Variants in DPY19L4 observed in about 807,000 individuals in gnomAD.
DPY19L4 encodes dpy-19 like 4, also known as probable C-mannosyltransferase DPY19L4.
DPY19L4 carries 97 observed loss-of-function variants against 102.8 expected under a neutral mutation model. The ratio of observed to expected loss-of-function variants is 0.94; its 90% confidence interval spans 0.80 to 1.12. The LOEUF (loss-of-function observed/expected upper bound fraction) is 1.12, where lower values mean the gene tolerates loss of function less well. DPY19L4 is among the 50% of genes most tolerant of loss of function. The pLI, the probability that DPY19L4 is intolerant of heterozygous loss-of-function variation, is 0.00. For missense variants in DPY19L4, 815 were observed against 850.4 expected, an observed-to-expected ratio of 0.96 and a Z score of 0.52; for synonymous variants, 252 against 283.1, an observed-to-expected ratio of 0.89 and a Z score of 1.10.
At chr8:94,787,462 G>T (rs1813703678) in intron 17 of DPY19L4, among the ~76,000 whole-genome samples, 1 of 152,036 alleles carries the variant, frequency 6.6e-6, no homozygotes, top group Admixed American at 6.5e-5. Flanking sequence ...GCAGCTACTG[G>T]ATATTCTGCA....
At chr8:94,769,918 T>TTAAG (rs1812849568) in intron 12 of DPY19L4, among the ~76,000 whole-genome samples, 1 of 149,766 alleles carries the variant, frequency 6.7e-6, no homozygotes, top group African/African-American at 2.5e-5. Flanking sequence ...GACAGAGTCT[T>TTAAG]ACTCTGTCAC....
At position 94,789,969 on chromosome 8, in the gene DPY19L4, C is replaced by T. The variant is rs573528300; in HGVS notation, c.*59C>T. On this transcript the variant is annotated 3_prime_UTR_variant, in exon 19 of 19. Transcript: ENST00000414645. ...GAAGTAAAATGCAGTTTTCTTCTAC[C>T]TACTCGGTGTCTTTTGCAGATCAGA... is the stretch of plus-strand genomic sequence containing the variant. The T allele has an allele frequency of 6.6e-6, 10 of 1,519,050 alleles. No homozygotes were observed. In the East Asian group the frequency reaches 2.1e-4, roughly 32 times the overall value. The allele number at this position is 1,519,050 out of a possible 1,614,324, so 94.1% of individuals were successfully genotyped here.
At position 94,765,224 on chromosome 8, in the gene DPY19L4, G is replaced by T; in HGVS notation, c.912G>T (p.Leu304=). The T allele has an allele frequency of 1.3e-6, 2 of 1,595,098 alleles. No homozygotes were observed. Among genetic ancestry groups the T allele is most frequent in the South Asian group, 1.1e-5 (1 of 87,632 alleles). Residue 304 remains leucine, a synonymous_variant, in exon 9 of 19, where the codon CTG becomes CTT. Transcript: ENST00000414645. ...VYKIYIFSLF[L]GYLLQFENPA... ...AAATCTACATATTTTCCCTCTTTCT[G>T]GGATATTTACTACAGTTTGAGAATC...
In DPY19L4 at chr8:94,780,368, C is replaced by G. The variant is rs1230656186; in HGVS notation, c.1585C>G (p.Leu529Val). The G allele has an allele frequency of 4.1e-6, 6 of 1,476,382 alleles. No individual in the cohort carries two copies. Among genetic ancestry groups the G allele is most frequent in the Admixed American group, 1.8e-5 (1 of 54,396 alleles). The allele number at this position is 1,476,382 out of a possible 1,614,324, so 91.5% of individuals were successfully genotyped here. The change falls in exon 15 of 19, where the codon CTG becomes GTG. Residue 529 changes from leucine to valine, a missense_variant. Physicochemically the swap from Leu to Val is conservative, Grantham distance 32. Coordinates refer to ENST00000414645, the MANE Select transcript of DPY19L4 (RefSeq NM_181787.3). ...TGCTTTAATATTTTAGGCTCTTATT[C>G]TGAGCATGGCCGTGCCTACTATAAT... ...TVHPILLALI[L>V]SMAVPTIIGL... is the part of the protein sequence containing the mutation.
At chr8:94,720,951 CTT>C (rs139273476) in intron 1 of DPY19L4, among the ~76,000 whole-genome samples, 1 of 144,022 alleles carries the variant, frequency 6.9e-6, no homozygotes, top group Non-Finnish European at 1.5e-5. Flanking sequence ...GCCCCCCTGC[CTT>C]TTTTTTTTTT....
At chr8:94,754,188 G>GTGCT (rs1812064219) in intron 6 of DPY19L4, among the ~76,000 whole-genome samples, 1 of 152,096 alleles carries the variant, frequency 6.6e-6, no homozygotes, top group East Asian at 1.9e-4. Flanking sequence ...AAAGTTATTA[G>GTGCT]TGCTTAGAGG....
rs938399018 is a variant in DPY19L4 at position 94,734,848 on chromosome 8, G to A, written c.252+94G>A. On this transcript the variant is annotated intron_variant, in intron 3 of 18. Transcript: ENST00000414645. ...TATGACAAGTGCTGTCTTATTTATG[G>A]CTATTAGGAACAAAATGCTCCAGAA... is the stretch of plus-strand genomic sequence containing the variant. 3.9e-6 allele frequency: 6 copies of A among 1,529,370 alleles called. No individual in the cohort carries two copies. In the Admixed American group the frequency reaches 8.2e-5, roughly 21 times the overall value. 94.7% of individuals were successfully genotyped at this position (1,529,370 alleles called of 1,614,324 possible).
chr8:94,766,817 T>C lies in DPY19L4; in HGVS notation c.1175+132T>C. 5 of 711,924 alleles carry C rather than the reference T, an allele frequency of 7.0e-6. No individual in the cohort carries two copies. In the South Asian group the frequency reaches 1.0e-4, roughly 14 times the overall value. The allele number at this position is 711,924 out of a possible 1,614,324, so 44.1% of individuals were successfully genotyped here. A position where few individuals can be genotyped will look rare whatever the true frequency, so the allele number is the denominator to read the frequency against. On this transcript the variant is annotated intron_variant, in intron 11 of 18. Coordinates refer to ENST00000414645, the MANE Select transcript of DPY19L4 (RefSeq NM_181787.3). The stretch of plus-strand genomic sequence containing the variant: ...CTTTAGGAGGCCGAGGTGGGTGGAT[T>C]GTGACCACTTGAGTCCAGGAGTTTG...
At position 94,730,870 on chromosome 8, in the gene DPY19L4, C is replaced by T. The variant is rs745748174; in HGVS notation, c.128-3760C>T. Reference sequence around the variant, plus strand: ...AAGGGATTCTCCTGCCTCAGCCTCCCGAGTAGCTGGGATTACAGGCATGCA... The same window carrying T: ...AAGGGATTCTCCTGCCTCAGCCTCCTGAGTAGCTGGGATTACAGGCATGCA... On this transcript the variant is annotated intron_variant, in intron 2 of 18. Coordinates refer to ENST00000414645, the MANE Select transcript of DPY19L4 (RefSeq NM_181787.3). Among the ~76,000 whole-genome samples the T allele has an allele frequency of 6.1e-4, 91 of 149,228 alleles. No individual in the cohort carries two copies. The East Asian group carries it at 8.1e-3, about 13-fold the overall frequency.
chr8:94,720,413 T>C (rs1338026978), intron 1 of DPY19L4, among the ~76,000 whole-genome samples: 1 of 152,032 alleles, frequency 6.6e-6, no homozygotes. Flanking sequence ...GCTGTGGATA[T>C]TGACAAACCC....
chr8:94,780,060 A>C (rs189912682), intron 14 of DPY19L4, among the ~76,000 whole-genome samples: 2 of 152,238 alleles, frequency 1.3e-5, no homozygotes, highest in African/African-American at 2.4e-5. Flanking sequence ...ATTTCTGGCA[A>C]ATTTTTCAAG....
At chr8:94,750,641 A>G (rs1811877194) in intron 6 of DPY19L4, among the ~76,000 whole-genome samples, 1 of 152,084 alleles carries the variant, frequency 6.6e-6, no homozygotes. Flanking sequence ...TGCTTTTTTA[A>G]CAGCTTTATT....
chr8:94,729,627 G>A (rs1310683395), intron 2 of DPY19L4, among the ~76,000 whole-genome samples: 21 of 81,506 alleles, frequency 2.6e-4, no homozygotes, highest in African/African-American at 4.4e-4. Context: ...AAAAATTTAA[G>A]CCTAGGCAAT....
intron 15 of DPY19L4, among the ~76,000 whole-genome samples, chr8:94,780,707 G>T (rs1482895272): frequency 1.3e-5 from 2 of 152,042 alleles, no homozygotes; most frequent in Admixed American, 1.3e-4. Flanking sequence ...ACACGTTTTG[G>T]TAACTCCAAA....
chr8:94,765,408 T>C (rs112615093), intron 9 of DPY19L4, 94 bp downstream of exon 9: 1 of 1,220,500 alleles, frequency 8.2e-7, no homozygotes, highest in Non-Finnish European at 1.1e-6. Flanking sequence ...ACATCTCAGC[T>C]CACTGCAACC....
intron 6 of DPY19L4, among the ~76,000 whole-genome samples, chr8:94,752,955 G>T (rs1812011138): frequency 6.6e-6 from 1 of 151,124 alleles, no homozygotes; most frequent in Non-Finnish European, 1.5e-5. Context: ...GTGAGCCACA[G>T]TGCCCGGCTT....
intron 14 of DPY19L4, among the ~76,000 whole-genome samples, chr8:94,778,605 T>G (rs6988572): frequency 0.18 from 26,703 of 151,970 alleles, 2,836 homozygotes; most frequent in African/African-American, 0.29. Context: ...AAAACAAAAA[T>G]AAATTTTCAT....
At chr8:94,785,552 G>A (rs1813617943) in intron 17 of DPY19L4, among the ~76,000 whole-genome samples, 1 of 152,224 alleles carries the variant, frequency 6.6e-6, no homozygotes, top group Non-Finnish European at 1.5e-5. Flanking sequence ...GACAGACCTG[G>A]AATGTCATGC....
chr8:94,753,589 A>G (rs1028021542), intron 6 of DPY19L4, among the ~76,000 whole-genome samples: 2 of 152,102 alleles, frequency 1.3e-5, no homozygotes, highest in African/African-American at 4.8e-5. Flanking sequence ...ATGACTTGAC[A>G]TAAGAAAGTG....
Sources: allele counts gnomAD v4.1 joint callset (sites outside exome capture counted in the v4.1 genomes callset), GRCh38; gene constraint gnomAD v4.1.1; transcripts MANE v1.5; gene names NCBI Gene and HGNC (gene_info 2026-07-23, HGNC 2026-07-21).